HS3ST3A1: variants seen among roughly 807,000 people sequenced by gnomAD.
HS3ST3A1 encodes the protein heparan sulfate glucosamine 3-O-sulfotransferase 3A1.
Under a neutral mutation model 25.7 loss-of-function variants are expected in HS3ST3A1, and 19 were observed. The observed-to-expected ratio is 0.74, with a 90% CI of 0.52 to 1.08. HS3ST3A1 has a LOEUF of 1.08. Ranked by LOEUF, HS3ST3A1 falls within the 50% of genes least tolerant of loss-of-function variation. HS3ST3A1 has a pLI of 0.00. For missense variants in HS3ST3A1, 459 were observed against 594.3 expected, an observed-to-expected ratio of 0.77 and a Z score of 2.37; for synonymous variants, 226 against 278.6, an observed-to-expected ratio of 0.81 and a Z score of 1.88.
chr17:13,580,096 G>A (rs1428781036), intron 1 of HS3ST3A1, among the ~76,000 whole-genome samples: 1 of 152,016 alleles, frequency 6.6e-6, no homozygotes, highest in Non-Finnish European at 1.5e-5. Flanking sequence ...GTAAGGGGCA[G>A]CATATACAGT....
intron 1 of HS3ST3A1, among the ~76,000 whole-genome samples, chr17:13,547,238 C>G (rs1412658873): frequency 6.6e-6 from 1 of 151,966 alleles, no homozygotes; most frequent in Non-Finnish European, 1.5e-5. Context: ...GGTCTTTGTC[C>G]CCAGTTCCTG....
intron 1 of HS3ST3A1, among the ~76,000 whole-genome samples, chr17:13,513,444 C>A (rs1276820239): frequency 1.3e-5 from 2 of 152,152 alleles, no homozygotes; most frequent in Non-Finnish European, 2.9e-5. Flanking sequence ...AGGTTCATTA[C>A]AGAAAACTTA....
intron 1 of HS3ST3A1, among the ~76,000 whole-genome samples, chr17:13,512,468 T>C (rs1003208602): frequency 4.6e-5 from 7 of 152,172 alleles, no homozygotes; most frequent in African/African-American, 1.7e-4. Flanking sequence ...TTTGACGAGA[T>C]GAAAGTGCTC....
intron 1 of HS3ST3A1, among the ~76,000 whole-genome samples, chr17:13,593,635 C>T (rs528251339): frequency 2.8e-4 from 43 of 152,358 alleles, no homozygotes; most frequent in African/African-American, 9.6e-4. Context: ...AGAATCGGCA[C>T]AGACAGGATT....
Position 13,601,097 on chromosome 17 carries a change from G to T in HS3ST3A1, c.33C>A (p.Ser11=). The T allele has an allele frequency of 6.3e-7, 1 of 1,589,790 alleles. No individual in the cohort carries two copies. ...TGCGGGACAGCGGCTCGGCCGAGGT[G>T]GAGAGGGCACTGGCCGGGCCCGGAG... MAPPGPASAL[S]TSAEPLSRSI... The change falls in exon 1 of 2, where the codon TCC becomes TCA. Residue 11 remains serine (S), a synonymous_variant. Transcript: ENST00000284110.
At chr17:13,565,436 G>A (rs963826551) in intron 1 of HS3ST3A1, among the ~76,000 whole-genome samples, 2 of 152,194 alleles carry the variant, frequency 1.3e-5, no homozygotes, top group African/African-American at 4.8e-5. Context: ...AGAGGCTGAG[G>A]AAGGAGGATC....
chr17:13,523,664 A>G (rs1490835598), intron 1 of HS3ST3A1, among the ~76,000 whole-genome samples: 3 of 152,174 alleles, frequency 2.0e-5, no homozygotes, highest in Non-Finnish European at 2.9e-5. Flanking sequence ...AAAATCTCCA[A>G]TAGTTTTCTC....
At chr17:13,529,213 C>T (rs1301593182) in intron 1 of HS3ST3A1, among the ~76,000 whole-genome samples, 1 of 152,012 alleles carries the variant, frequency 6.6e-6, no homozygotes, top group African/African-American at 2.4e-5. Flanking sequence ...ATTACTTGTC[C>T]CATGGTACAG....
In HS3ST3A1 at chr17:13,600,718, G is replaced by A; in HGVS notation, c.412C>T (p.Pro138Ser). Residue 138 changes from proline (P) to serine (S), a missense_variant, in exon 1 of 2, where the codon CCG becomes TCG. This residue lies in a region of HS3ST3A1 where 346 missense variants were observed against 303.9 expected (regional missense o/e 1.14). Transcript: ENST00000284110. ...TCCAGGAGCAGCGCCAGGGTCCCCGGCGGGGCCTCGGCCACGGTGCTTCCG... is the reference window on the plus strand; with the variant it reads ...TCCAGGAGCAGCGCCAGGGTCCCCGACGGGGCCTCGGCCACGGTGCTTCCG... ...GAGSTVAEAP[P>S]GTLALLLDEG... 6.4e-7 allele frequency: 1 copy of A among 1,551,488 alleles called. No homozygotes were observed. Among genetic ancestry groups the A allele is most frequent in the Non-Finnish European group, 8.7e-7 (1 of 1,155,928 alleles).
At chr17:13,547,943 CCAAAA>C (rs1907133072) in intron 1 of HS3ST3A1, among the ~76,000 whole-genome samples, 2 of 83,856 alleles carry the variant, frequency 2.4e-5, no homozygotes, top group Non-Finnish European at 2.3e-5. Context: ...TTGGTGTGAG[CCAAAA>C]AAAAAAAAAA....
chr17:13,505,880 C>A (rs887795384), intron 1 of HS3ST3A1, among the ~76,000 whole-genome samples: 2 of 151,594 alleles, frequency 1.3e-5, no homozygotes, highest in African/African-American at 4.8e-5. Context: ...AAAAATTAGC[C>A]GGGTGTGGTG....
At chr17:13,554,423 C>T (rs987037778) in intron 1 of HS3ST3A1, among the ~76,000 whole-genome samples, 2 of 152,188 alleles carry the variant, frequency 1.3e-5, no homozygotes, top group Non-Finnish European at 2.9e-5. Context: ...AATAAAAGTG[C>T]TCACAAGGGG....
intron 1 of HS3ST3A1, among the ~76,000 whole-genome samples, chr17:13,565,415 C>G (rs1211530212): frequency 2.0e-5 from 3 of 152,068 alleles, no homozygotes; most frequent in Non-Finnish European, 4.4e-5. Flanking sequence ...ACCTGTAGTC[C>G]CAGCTACTCC....
chr17:13,496,271 G>A lies in HS3ST3A1; in HGVS notation c.1147C>T (p.Leu383=). 6.5e-7 allele frequency: 1 copy of A among 1,540,544 alleles called. No homozygotes were observed. Among genetic ancestry groups the A allele is most frequent in the Non-Finnish European group, 8.7e-7 (1 of 1,149,366 alleles). ...TTGAAAGGCCGGTAGAACTCGCGCA[G>A]CCTGCGCACCACCTCGCGGTCGATC... ...PEIDREVVRR[L]REFYRPFNLK... The change falls in exon 2 of 2, where the codon CTG becomes TTG. Residue 383 remains leucine (L), a synonymous_variant. Coordinates refer to ENST00000284110, the MANE Select transcript of HS3ST3A1 (RefSeq NM_006042.3).
At chr17:13,514,016 G>T (rs916018832) in intron 1 of HS3ST3A1, among the ~76,000 whole-genome samples, 1 of 151,972 alleles carries the variant, frequency 6.6e-6, no homozygotes, top group Non-Finnish European at 1.5e-5. Context: ...ATAGGGAAAT[G>T]ATTTTTTAAT....
intron 1 of HS3ST3A1, among the ~76,000 whole-genome samples, chr17:13,565,964 C>A (rs976313817): frequency 6.6e-6 from 1 of 152,166 alleles, no homozygotes; most frequent in African/African-American, 2.4e-5. Flanking sequence ...TTTCTCAAAT[C>A]TTTTCATTGT....
intron 1 of HS3ST3A1, among the ~76,000 whole-genome samples, chr17:13,542,355 G>A (rs1906960689): frequency 6.7e-6 from 1 of 150,314 alleles, no homozygotes; most frequent in African/African-American, 2.4e-5. Context: ...AAATGGTTAA[G>A]TGAGGTTGGA....
At chr17:13,555,529 G>C (rs758491589) in intron 1 of HS3ST3A1, among the ~76,000 whole-genome samples, 1 of 152,148 alleles carries the variant, frequency 6.6e-6, no homozygotes, top group Non-Finnish European at 1.5e-5. Context: ...GGGCCCCTTA[G>C]AGTGGAAGCA....
intron 1 of HS3ST3A1, among the ~76,000 whole-genome samples, chr17:13,570,921 C>A (rs930819407): frequency 1.3e-5 from 2 of 152,028 alleles, no homozygotes; most frequent in African/African-American, 4.8e-5. Flanking sequence ...AGTCCTTGAC[C>A]ATATTTGACA....
Sources: allele counts gnomAD v4.1 joint callset (sites outside exome capture counted in the v4.1 genomes callset), GRCh38; gene constraint gnomAD v4.1.1; regional missense constraint gnomAD v4.1.1; transcripts MANE v1.5; gene names NCBI Gene and HGNC (gene_info 2026-07-23, HGNC 2026-07-21).